Variants in PCDHA9 observed in about 807,000 individuals in gnomAD.
PCDHA9 encodes protocadherin alpha 9.
In PCDHA9, 62 loss-of-function variants were observed where a neutral mutation model predicts 62.0. The observed-to-expected ratio is 1.00, with a 90% CI of 0.81 to 1.23. PCDHA9 has a LOEUF of 1.23. Ranked by LOEUF, PCDHA9 falls within the 50% of genes most tolerant of loss-of-function variation. The pLI, the probability that PCDHA9 is intolerant of heterozygous loss-of-function variation, is 0.00. For missense variants in PCDHA9, 1,205 were observed against 1,249.8 expected, an observed-to-expected ratio of 0.96 and a Z score of 0.54; for synonymous variants, 557 against 567.6, an observed-to-expected ratio of 0.98 and a Z score of 0.27.
intron 1 of PCDHA9, chr5:140,877,837 G>A (rs1313925880): frequency 6.3e-7 from 1 of 1,585,240 alleles, no homozygotes; most frequent in African/African-American, 1.4e-5. Context: ...TCCTCCCAGT[G>A]AAGTAAGTTA....
chr5:140,953,607 G>A (rs1040886184), intron 1 of PCDHA9, among the ~76,000 whole-genome samples: 21 of 152,152 alleles, frequency 1.4e-4, no homozygotes, highest in African/African-American at 4.8e-4. Flanking sequence ...ATTCCCCAGA[G>A]TCCTTAGATA....
At chr5:140,943,690 CA>C (rs2093548144) in intron 1 of PCDHA9, among the ~76,000 whole-genome samples, 1 of 151,974 alleles carries the variant, frequency 6.6e-6, no homozygotes, top group Non-Finnish European at 1.5e-5. Context: ...GGGATAAGGT[CA>C]AAATATTGTG....
At chr5:140,918,097 A>C (rs193088313) in intron 1 of PCDHA9, among the ~76,000 whole-genome samples, 2 of 152,192 alleles carry the variant, frequency 1.3e-5, no homozygotes, top group Non-Finnish European at 2.9e-5. Flanking sequence ...CTTTTTATAG[A>C]GATCTTTCAC....
chr5:140,970,527 ATG>A (rs1270257257), intron 1 of PCDHA9, among the ~76,000 whole-genome samples: 2 of 151,436 alleles, frequency 1.3e-5, no homozygotes, highest in African/African-American at 4.9e-5. Context: ...GTAGATGAAT[ATG>A]TGTGTGTGTT....
chr5:140,991,317 T>C (rs2097444971), intron 3 of PCDHA9, among the ~76,000 whole-genome samples: 1 of 152,208 alleles, frequency 6.6e-6, no homozygotes, highest in Admixed American at 6.5e-5. Flanking sequence ...TCCCGCATGA[T>C]ACATGAAGGG....
intron 1 of PCDHA9, among the ~76,000 whole-genome samples, chr5:140,925,799 C>G (rs1200619545): frequency 6.6e-6 from 1 of 151,996 alleles, no homozygotes; most frequent in Non-Finnish European, 1.5e-5. Flanking sequence ...CAGTACTTTC[C>G]CCTCCACTTC....
intron 3 of PCDHA9, among the ~76,000 whole-genome samples, chr5:141,007,395 C>CAAAAAAAA (rs35800918): frequency 4.0e-3 from 379 of 94,450 alleles, no homozygotes; most frequent in Non-Finnish European, 5.7e-3. Context: ...TACTAAAATA[C>CAAAAAAAA]AAAAAAAAAA....
At chr5:140,960,303 C>G (rs2095539243) in intron 1 of PCDHA9, among the ~76,000 whole-genome samples, 1 of 152,132 alleles carries the variant, frequency 6.6e-6, no homozygotes, top group African/African-American at 2.4e-5. Context: ...TTCATCAATA[C>G]CAACCTCATT....
At chr5:140,858,241 G>T in intron 1 of PCDHA9, 1 of 1,596,686 alleles carries the variant, frequency 6.3e-7, no homozygotes, top group Non-Finnish European at 8.6e-7. Context: ...GCGCATGTGG[G>T]CCGGTGAAGC....
intron 3 of PCDHA9, among the ~76,000 whole-genome samples, chr5:141,007,379 C>G (rs1178671835): frequency 7.1e-6 from 1 of 139,926 alleles, no homozygotes; most frequent in Non-Finnish European, 1.5e-5. Flanking sequence ...GATGGAACAC[C>G]ATCTCTACTA....
intron 1 of PCDHA9, among the ~76,000 whole-genome samples, chr5:140,956,511 T>C (rs1293826895): frequency 1.3e-5 from 2 of 152,218 alleles, no homozygotes. Flanking sequence ...TACTTGATCA[T>C]GGTGAATAAG....
At chr5:140,917,278 C>T (rs188364646) in intron 1 of PCDHA9, among the ~76,000 whole-genome samples, 198 of 143,570 alleles carry the variant, frequency 1.4e-3, no homozygotes, top group South Asian at 9.8e-3. Flanking sequence ...TTTGTAATGA[C>T]GCTTTTCCGT....
chr5:140,963,365 T>C (rs2095759439), intron 1 of PCDHA9, among the ~76,000 whole-genome samples: 1 of 152,254 alleles, frequency 6.6e-6, no homozygotes. Flanking sequence ...CAAAGAACAT[T>C]AATTGAGCAC....
At chr5:140,911,952 G>A (rs2075698662) in intron 1 of PCDHA9, among the ~76,000 whole-genome samples, 1 of 152,170 alleles carries the variant, frequency 6.6e-6, no homozygotes, top group South Asian at 2.1e-4. Context: ...ATAAAGGGGA[G>A]GTTACTAAGG....
At chr5:140,970,810 A>G (rs2096434442) in intron 1 of PCDHA9, among the ~76,000 whole-genome samples, 1 of 152,138 alleles carries the variant, frequency 6.6e-6, no homozygotes. Flanking sequence ...TTACATTTCA[A>G]GTTCATGGTA....
intron 3 of PCDHA9, among the ~76,000 whole-genome samples, chr5:140,989,670 C>G (rs907417768): frequency 6.6e-6 from 1 of 152,104 alleles, no homozygotes. Flanking sequence ...GAAACTCTGC[C>G]CAGATTTCAA....
At chr5:140,989,665 T>G (rs2097353443) in intron 3 of PCDHA9, among the ~76,000 whole-genome samples, 2 of 152,190 alleles carry the variant, frequency 1.3e-5, no homozygotes, top group South Asian at 4.1e-4. Flanking sequence ...TAAAAGAAAC[T>G]CTGCCCAGAT....
chr5:140,866,967 C>T (rs1315852276), intron 1 of PCDHA9: 7 of 152,134 alleles, frequency 4.6e-5, no homozygotes, highest in African/African-American at 1.7e-4. Context: ...ATGGTGACAT[C>T]TGAAATATCA....
intron 1 of PCDHA9, among the ~76,000 whole-genome samples, chr5:140,920,608 G>A (rs2153558027): frequency 6.6e-6 from 1 of 152,286 alleles, no homozygotes; most frequent in Non-Finnish European, 1.5e-5. Flanking sequence ...CACTTTGGGA[G>A]GCCGAGGCGG....
Sources: gnomAD v4.1 joint callset for allele counts (sites outside exome capture counted in the v4.1 genomes callset) on GRCh38, gnomAD v4.1.1 for gene constraint, MANE v1.5 for transcripts, NCBI Gene and HGNC (gene_info 2026-07-23, HGNC 2026-07-21) for gene names.